The following SMAD1 variants were observed in gnomAD, a reference collection of about 807,000 sequenced individuals.
The protein encoded by SMAD1 is SMAD family member 1.
In SMAD1, 6 loss-of-function variants were observed where a neutral mutation model predicts 41.6. The ratio of observed to expected loss-of-function variants is 0.14; its 90% CI spans 0.08 to 0.28. The LOEUF is 0.28. SMAD1 is among the 10% of genes least tolerant of loss of function. The pLI is 1.00. For missense variants in SMAD1, 379 were observed against 582.6 expected (o/e 0.65, Z 3.60); for synonymous variants, 206 against 203.2 (o/e 1.01, Z -0.12).
At chr4:145,534,613 C>A (rs758088736) in intron 2 of SMAD1, among the ~76,000 whole-genome samples, 16 of 152,070 alleles carry the variant, frequency 1.1e-4, no homozygotes, top group Non-Finnish European at 1.8e-4. Context: ...CTAAAAGACT[C>A]GAACATTTAT....
chr4:145,520,938 A>G (rs1013867161), intron 2 of SMAD1, among the ~76,000 whole-genome samples: 6 of 152,230 alleles, frequency 3.9e-5, no homozygotes, highest in Admixed American at 2.6e-4. Context: ...AACAATGACA[A>G]ATGTGCAAGG....
chr4:145,508,928 A>G (rs1279012218), intron 1 of SMAD1, among the ~76,000 whole-genome samples: 1 of 152,122 alleles, frequency 6.6e-6, no homozygotes, highest in Non-Finnish European at 1.5e-5. Context: ...TCACCTCCCA[A>G]AGGACTCACC....
At chr4:145,510,338 G>A (rs766469953) in intron 1 of SMAD1, among the ~76,000 whole-genome samples, 6 of 151,736 alleles carry the variant, frequency 4.0e-5, no homozygotes, top group African/African-American at 1.2e-4. Context: ...AATCTTTGGC[G>A]GGTATTAGAG....
chr4:145,482,795 T>G lies in SMAD1; in HGVS notation c.-177+757T>G, dbSNP rs1320588315. On this transcript the variant is annotated intron_variant, in intron 1 of 6. Transcript: ENST00000302085. This position sits in a 1 kb window ranked among gnomAD's most constrained non-coding sequence, Gnocchi z 4.2. The stretch of plus-strand genomic sequence containing the variant: ...TCTCGTTCCTTTCCCTTTACCGGAG[T>G]CGATTGCCTCACTGCATGTGTATTC... 1 of 152,058 alleles carries G rather than the reference T, an allele frequency of 6.6e-6. No homozygotes were observed. Among genetic ancestry groups the G allele is most frequent in the African/African-American group, 2.4e-5 (1 of 41,366 alleles). The allele number at this position is 152,058 out of a possible 1,614,324, so 9.4% of individuals were successfully genotyped here.
At chr4:145,485,191 C>T (rs183722118) in intron 1 of SMAD1, among the ~76,000 whole-genome samples, 1 of 152,180 alleles carries the variant, frequency 6.6e-6, no homozygotes, top group Non-Finnish European at 1.5e-5. Context: ...ACTTCAGCCT[C>T]CCAAGTTGCT....
At chr4:145,486,400 A>C (rs972986285) in intron 1 of SMAD1, among the ~76,000 whole-genome samples, 1 of 152,222 alleles carries the variant, frequency 6.6e-6, no homozygotes, top group Non-Finnish European at 1.5e-5. Context: ...TCTTACCAAA[A>C]TTAGTCTATC....
intron 1 of SMAD1, among the ~76,000 whole-genome samples, chr4:145,499,041 C>T (rs1729267447): frequency 6.6e-6 from 1 of 152,184 alleles, no homozygotes; most frequent in South Asian, 2.1e-4. Flanking sequence ...CTATAAAAAA[C>T]ACCCAACTTC....
intron 2 of SMAD1, among the ~76,000 whole-genome samples, chr4:145,518,848 C>G (rs1202872619): frequency 2.4e-5 from 3 of 125,092 alleles, no homozygotes; most frequent in Non-Finnish European, 5.9e-5. Context: ...GTAGTAGCAT[C>G]AGTACCACCT....
chr4:145,487,657 G>C (rs1728546905), intron 1 of SMAD1, among the ~76,000 whole-genome samples: 1 of 152,146 alleles, frequency 6.6e-6, no homozygotes, highest in Non-Finnish European at 1.5e-5. Flanking sequence ...AAAGGAAAGA[G>C]AAGAAAAAGG....
intron 1 of SMAD1, among the ~76,000 whole-genome samples, chr4:145,507,214 A>G (rs1435255175): frequency 1.3e-5 from 2 of 151,428 alleles, no homozygotes; most frequent in Non-Finnish European, 2.9e-5. Context: ...TGCTTCGAAA[A>G]CCTTTTTATA....
intron 3 of SMAD1, among the ~76,000 whole-genome samples, chr4:145,542,141 A>G (rs1457731291): frequency 6.6e-6 from 1 of 152,236 alleles, no homozygotes. Flanking sequence ...TGAATTTTCT[A>G]AAAGCCCATA....
intron 2 of SMAD1, among the ~76,000 whole-genome samples, chr4:145,522,681 T>G (rs1180464191): frequency 6.6e-6 from 1 of 151,868 alleles, no homozygotes; most frequent in Non-Finnish European, 1.5e-5. Flanking sequence ...GTTTTGTTTT[T>G]TTGTTTTTTT....
intron 1 of SMAD1, among the ~76,000 whole-genome samples, chr4:145,493,972 T>G (rs1196372608): frequency 2.6e-5 from 4 of 151,672 alleles, no homozygotes; most frequent in Non-Finnish European, 5.9e-5. Flanking sequence ...TATTTATTAA[T>G]TTTTTTTGAG....
chr4:145,544,414 C>T (rs1348961913), intron 4 of SMAD1: 1 of 152,116 alleles, frequency 6.6e-6, no homozygotes, highest in Non-Finnish European at 1.5e-5. Context: ...AACCCTGTCT[C>T]TACTGCAGAT....
upstream of SMAD1, chr4:145,481,758 C>T: frequency 5.5e-6 from 1 of 180,252 alleles, no homozygotes; most frequent in Non-Finnish European, 1.1e-5. Flanking sequence ...AGCGGGTGAG[C>T]GTGTGAGCGG....
At chr4:145,516,895 A>C (rs1198003878) in intron 2 of SMAD1, 1 of 152,180 alleles carries the variant, frequency 6.6e-6, no homozygotes, top group Non-Finnish European at 1.5e-5. Context: ...CCTACAAGTT[A>C]AGTGCCTTGT....
intron 1 of SMAD1, among the ~76,000 whole-genome samples, chr4:145,511,191 T>A (rs1730055749): frequency 6.6e-6 from 1 of 152,240 alleles, no homozygotes; most frequent in African/African-American, 2.4e-5. Flanking sequence ...TAATTGCTTA[T>A]ACTTTGGGAT....
In SMAD1 at chr4:145,557,908, C is replaced by T; in HGVS notation, c.1372C>T (p.His458Tyr). Residue 458 changes from histidine to tyrosine, a missense_variant, in exon 7 of 7, where the codon CAT becomes TAT. Physicochemically the swap from His to Tyr is moderately conservative, Grantham distance 83. Transcript: ENST00000302085. ...DKVLTQMGSPHNPISSVS is the reference protein window; with the variant it reads ...DKVLTQMGSPYNPISSVS ...AGTTCTTACTCAAATGGGTTCACCT[C>T]ATAATCCTATTTCATCTGTATCTTA... is the stretch of plus-strand genomic sequence containing the variant. The T allele has an allele frequency of 6.2e-7, 1 of 1,610,780 alleles. No individual in the cohort carries two copies. Among genetic ancestry groups the T allele is most frequent in the Non-Finnish European group, 8.5e-7 (1 of 1,177,940 alleles).
intron 1 of SMAD1, among the ~76,000 whole-genome samples, chr4:145,495,101 A>G (rs1728992583): frequency 6.6e-6 from 1 of 152,126 alleles, no homozygotes; most frequent in African/African-American, 2.4e-5. Flanking sequence ...TGTCAGAAAA[A>G]TTTTTGGTTG....
Sources: gnomAD v4.1 joint callset for allele counts (sites outside exome capture counted in the v4.1 genomes callset) on GRCh38, gnomAD v4.1.1 for gene constraint, Gnocchi (gnomAD v3.1) non-coding constraint, MANE v1.5 for transcripts, NCBI Gene and HGNC (gene_info 2026-07-23, HGNC 2026-07-21) for gene names.